The following DCLRE1C variants were observed in gnomAD, a reference collection of about 807,000 sequenced individuals.
DCLRE1C encodes protein artemis.
Under a neutral mutation model 61.4 loss-of-function variants are expected in DCLRE1C, and 47 were observed. The ratio of observed to expected loss-of-function variants is 0.77; its 90% CI spans 0.61 to 0.98. The LOEUF is 0.98. Ranked by LOEUF, DCLRE1C falls within the 50% of genes least tolerant of loss-of-function variation. The pLI, the probability that DCLRE1C is intolerant of heterozygous loss-of-function variation, is 0.00. For synonymous variants in DCLRE1C, 337 were observed against 287.6 expected (o/e 1.17, Z -1.74); for missense variants, 858 against 816.0 (o/e 1.05, Z -0.63).
chr10:14,943,615 C>T (rs1213916393), intron 3 of DCLRE1C, among the ~76,000 whole-genome samples: 14 of 152,148 alleles, frequency 9.2e-5, no homozygotes, highest in Admixed American at 6.5e-4. Flanking sequence ...TGTAGTGGCA[C>T]GATCTCAGCT....
intron 5 of DCLRE1C, among the ~76,000 whole-genome samples, chr10:14,935,909 T>G (rs989236531): frequency 2.0e-5 from 3 of 152,172 alleles, no homozygotes; most frequent in African/African-American, 7.2e-5. Context: ...AGACTTCCAT[T>G]TATTTATTTT....
At position 14,951,389 on chromosome 10, in the gene DCLRE1C, C is replaced by CAAAAAAA. The variant is rs60272216; in HGVS notation, c.110-2309_110-2303dup. 2.0e-4 allele frequency among the ~76,000 whole-genome samples: 9 copies of CAAAAAAA among 46,060 alleles called. 2 individuals are homozygous for CAAAAAAA. Among genetic ancestry groups the CAAAAAAA allele is most frequent in the Admixed American group, 7.6e-4 (2 of 2,616 alleles). The allele number at this position is 46,060 out of a possible 152,430, so 30.2% of individuals were successfully genotyped here. ...TGGGTGACAGAGCAAAACCCTGTCTCAAAAAAAAAAAAAAAAAAAAAAAAA... is the reference window on the plus strand; with the variant it reads ...TGGGTGACAGAGCAAAACCCTGTCTCAAAAAAAAAAAAAAAAAAAAAAAAAAAAAAAA... On this transcript the variant is annotated intron_variant, in intron 1 of 13. Transcript: ENST00000378278.
intron 2 of DCLRE1C, 130 bp downstream of exon 2, chr10:14,948,906 C>G: frequency 1.4e-6 from 1 of 716,732 alleles, no homozygotes; most frequent in Non-Finnish European, 2.5e-6. Context: ...TGGTACTGTC[C>G]TATTTCTTAA....
rs1164529561 is a variant in DCLRE1C at position 14,908,315 on chromosome 10, T to A, written c.*93A>T. The A allele has an allele frequency of 9.2e-7, 1 of 1,086,834 alleles. No homozygotes were observed. Among genetic ancestry groups the A allele is most frequent in the African/African-American group, 1.6e-5 (1 of 64,124 alleles). 67.3% of individuals were successfully genotyped at this position (1,086,834 alleles called of 1,614,324 possible). ...CACACCCAACCAGGTTATTTGAACA[T>A]TTTTAAGTACTGTATTTTCTCTATT... is the stretch of plus-strand genomic sequence containing the variant. On this transcript the variant is annotated 3_prime_UTR_variant, in exon 14 of 14. Coordinates refer to ENST00000378278, the MANE Select transcript of DCLRE1C (RefSeq NM_001033855.3).
chr10:14,905,154 T>C lies in DCLRE1C; in HGVS notation c.*3254A>G, dbSNP rs1834287714. ...GTGCTAGCAAGATTAACCGAAGGTT[T>C]ATATTCAATTCCTTTAAATGTTACT... is the stretch of plus-strand genomic sequence containing the variant. On this transcript the variant is annotated 3_prime_UTR_variant, in exon 14 of 14. Coordinates refer to ENST00000378278, the MANE Select transcript of DCLRE1C (RefSeq NM_001033855.3). Among the ~76,000 whole-genome samples the C allele has an allele frequency of 6.6e-6, 1 of 152,268 alleles. No individual in the cohort carries two copies. The highest frequency in any genetic ancestry group is 6.5e-5 in the Admixed American group (1 of 15,290).
rs41304340 is a variant in DCLRE1C at position 14,947,168 on chromosome 10, C to G, written c.161+1868G>C. Among the ~76,000 whole-genome samples the G allele has an allele frequency of 2.0e-3, 297 of 152,200 alleles. 1 individual carries two copies. Among genetic ancestry groups the G allele is most frequent in the African/African-American group, 6.7e-3 (278 of 41,526 alleles). ...CAGAGATTGCAGTGAGCCAACATCA[C>G]GCTACTGCACTCCTGCCTGGGCAGC... On this transcript the variant is annotated intron_variant, in intron 2 of 13. Coordinates refer to ENST00000378278, the MANE Select transcript of DCLRE1C (RefSeq NM_001033855.3).
At chr10:14,913,563 T>C (rs1588926241) in intron 13 of DCLRE1C, among the ~76,000 whole-genome samples, 1 of 152,372 alleles carries the variant, frequency 6.6e-6, no homozygotes, top group East Asian at 1.9e-4. Flanking sequence ...CTTTTCACTC[T>C]GATATGTTAA....
At chr10:14,933,032 C>A (rs1329992567) in intron 8 of DCLRE1C, 77 bp from the exon 9 acceptor site, 11 of 1,489,276 alleles carry the variant, frequency 7.4e-6, no homozygotes, top group Middle Eastern at 2.0e-4. Flanking sequence ...TTACTCAGGG[C>A]AAAACACCCA....
In DCLRE1C at chr10:14,905,968, C is replaced by G. The variant is rs1008201106; in HGVS notation, c.*2440G>C. On this transcript the variant is annotated 3_prime_UTR_variant, in exon 14 of 14. Transcript: ENST00000378278. ...CTGCATTCCAGCCTGAGTGACAGAG[C>G]GAGACTCCATCTTGAAAAGTAAAAA... Among the ~76,000 whole-genome samples the G allele has an allele frequency of 1.3e-5, 2 of 152,170 alleles. No homozygotes were observed. The highest frequency in any genetic ancestry group is 6.5e-5 in the Admixed American group (1 of 15,274).
intron 1 of DCLRE1C, 129 bp downstream of exon 1, chr10:14,953,773 A>C: frequency 7.5e-7 from 1 of 1,338,490 alleles, no homozygotes; most frequent in East Asian, 2.4e-5. Flanking sequence ...GACTGGGACA[A>C]GGCGTGTGCT....
rs377652017 is a variant in DCLRE1C at position 14,945,948 on chromosome 10, G to A, written c.162-759C>T. ...GATGGGATTACAGGCGAGAGCCACT[G>A]CGCCCGGCCTATTCTTTTTTTTTTT... On this transcript the variant is annotated intron_variant, in intron 2 of 13. Transcript: ENST00000378278. Among the ~76,000 whole-genome samples the A allele has an allele frequency of 2.7e-5, 4 of 146,522 alleles. No homozygotes were observed. In the East Asian group the frequency reaches 6.1e-4, roughly 22 times the overall value.
intron 9 of DCLRE1C, among the ~76,000 whole-genome samples, chr10:14,929,856 AGAGTT>A (rs1838675850): frequency 6.6e-6 from 1 of 152,168 alleles, no homozygotes; most frequent in African/African-American, 2.4e-5. Context: ...GGTGCAGATT[AGAGTT>A]AAGAGTGGAC....
At chr10:14,951,506 T>C (rs890081486) in intron 1 of DCLRE1C, among the ~76,000 whole-genome samples, 5 of 147,214 alleles carry the variant, frequency 3.4e-5, no homozygotes, top group Non-Finnish European at 6.0e-5. Flanking sequence ...TATCACAAGA[T>C]ACCATAGATA....
rs1208806707 is a variant in DCLRE1C at position 14,907,188 on chromosome 10, T to G, written c.*1220A>C. ...TGAGCATTTTCTTTTATATTCTAAT[T>G]GTCCGCTTCTAATTTGGCCACCGTA... On this transcript the variant is annotated 3_prime_UTR_variant, in exon 14 of 14. Transcript: ENST00000378278. Among the ~76,000 whole-genome samples, 1 of 151,828 alleles carries G rather than the reference T, an allele frequency of 6.6e-6. No individual in the cohort carries two copies. Among genetic ancestry groups the G allele is most frequent in the South Asian group, 2.1e-4 (1 of 4,796 alleles).
At chr10:14,927,925 T>C in intron 10 of DCLRE1C, 91 bp downstream of exon 10, 1 of 1,105,640 alleles carries the variant, frequency 9.0e-7, no homozygotes, top group Non-Finnish European at 1.3e-6. Flanking sequence ...AATTATATTC[T>C]TGGGCTTAGG....
intron 13 of DCLRE1C, among the ~76,000 whole-genome samples, chr10:14,909,744 C>CAAATAGT (rs1463468886): frequency 1.3e-5 from 2 of 152,150 alleles, no homozygotes; most frequent in African/African-American, 4.8e-5. Context: ...GTGTGCTCTG[C>CAAATAGT]AAATAGTAGA....
intron 13 of DCLRE1C, among the ~76,000 whole-genome samples, chr10:14,911,746 C>T (rs1178228232): frequency 6.6e-6 from 1 of 152,118 alleles, no homozygotes; most frequent in Admixed American, 6.5e-5. Context: ...TCTTACAACT[C>T]AATACAAAGG....
intron 4 of DCLRE1C, among the ~76,000 whole-genome samples, chr10:14,937,717 C>A (rs1840178732): frequency 6.6e-6 from 1 of 151,698 alleles, no homozygotes; most frequent in African/African-American, 2.4e-5. Context: ...ATGGCGAAAC[C>A]CTGTCTCTAC....
chr10:14,930,031 A>G (rs2130877026), intron 9 of DCLRE1C, among the ~76,000 whole-genome samples: 1 of 152,328 alleles, frequency 6.6e-6, no homozygotes, highest in Middle Eastern at 3.4e-3. Context: ...TCACAGCAAA[A>G]AGAAATTTGC....
Sources: gnomAD v4.1 joint callset for allele counts (sites outside exome capture counted in the v4.1 genomes callset) on GRCh38, gnomAD v4.1.1 for gene constraint, MANE v1.5 for transcripts, NCBI Gene and HGNC (gene_info 2026-07-23, HGNC 2026-07-21) for gene names.